The following HS2ST1 variants were observed in gnomAD, a reference collection of about 807,000 sequenced individuals.
The protein encoded by HS2ST1 is 2-O-sulfotransferase.
A neutral mutation model predicts 42.9 loss-of-function variants in HS2ST1; 18 were observed. The observed-to-expected ratio is 0.42, with a 90% CI of 0.29 to 0.62. The LOEUF (loss-of-function observed/expected upper bound fraction) is 0.62. Ranked by LOEUF, HS2ST1 falls within the 20% of genes least tolerant of loss-of-function variation. The pLI is 0.21. For synonymous variants in HS2ST1, 146 were observed against 152.9 expected (o/e 0.95, Z 0.33); for missense variants, 334 against 433.8 (o/e 0.77, Z 2.04).
In HS2ST1 at chr1:87,065,389, C is replaced by T. The variant is rs375499999; in HGVS notation, c.125-7545C>T. 4.4e-4 allele frequency among the ~76,000 whole-genome samples: 67 copies of T among 152,328 alleles called. 1 individual carries two copies. The South Asian group carries it at 0.013, about 30-fold the overall frequency. ...AAATTGATATGCCAAGGCTCCTCCACCCATAGACAATTCTTGGGTAGACCC... is the reference window on the plus strand; with the variant it reads ...AAATTGATATGCCAAGGCTCCTCCATCCATAGACAATTCTTGGGTAGACCC... On this transcript the variant is annotated intron_variant, in intron 1 of 6. Transcript: ENST00000370550.
chr1:87,035,225 G>C (rs540727809), intron 1 of HS2ST1, among the ~76,000 whole-genome samples: 1 of 152,214 alleles, frequency 6.6e-6, no homozygotes, highest in African/African-American at 2.4e-5. Context: ...TAATAAATTT[G>C]TTTTCCTATC....
At chr1:86,970,018 G>C (rs1196909002) in intron 1 of HS2ST1, among the ~76,000 whole-genome samples, 1 of 151,832 alleles carries the variant, frequency 6.6e-6, no homozygotes, top group East Asian at 1.9e-4. Flanking sequence ...CCAGCTACTC[G>C]GGGGGCTGAG....
At chr1:86,932,405 T>C (rs1424250198) in intron 1 of HS2ST1, 1 of 152,140 alleles carries the variant, frequency 6.6e-6, no homozygotes, top group Non-Finnish European at 1.5e-5. Context: ...ATATACCATG[T>C]ACCATTTCAT....
At chr1:87,080,908 C>G (rs1453539811) in intron 2 of HS2ST1, among the ~76,000 whole-genome samples, 1 of 152,216 alleles carries the variant, frequency 6.6e-6, no homozygotes, top group African/African-American at 2.4e-5. Flanking sequence ...AATCTTCCAT[C>G]TCAGCAGTTG....
intron 1 of HS2ST1, among the ~76,000 whole-genome samples, chr1:86,998,060 T>C (rs1649157864): frequency 6.6e-6 from 1 of 152,210 alleles, no homozygotes; most frequent in South Asian, 2.1e-4. Context: ...TCACTTGCTG[T>C]ACCAGATTGC....
intron 1 of HS2ST1, among the ~76,000 whole-genome samples, chr1:87,055,975 G>A (rs1650958610): frequency 6.6e-6 from 1 of 152,216 alleles, no homozygotes; most frequent in African/African-American, 2.4e-5. Context: ...TTGTCTTGAG[G>A]TAAAGCACTT....
At chr1:87,101,061 C>CACAGCCAG (rs1652184777) in intron 5 of HS2ST1, among the ~76,000 whole-genome samples, 1 of 150,870 alleles carries the variant, frequency 6.6e-6, no homozygotes, top group South Asian at 2.1e-4. Flanking sequence ...GCCTCTTAGA[C>CACAGCCAG]ACAGCCAGGC....
chr1:86,972,295 AGG>A (rs1648256035), intron 1 of HS2ST1, among the ~76,000 whole-genome samples: 1 of 152,170 alleles, frequency 6.6e-6, no homozygotes. Context: ...ATATTTTGAG[AGG>A]GAGAGAGAGA....
intron 1 of HS2ST1, among the ~76,000 whole-genome samples, chr1:86,987,893 T>C (rs960432897): frequency 6.6e-5 from 10 of 152,294 alleles, no homozygotes; most frequent in African/African-American, 1.7e-4. Context: ...TGTAAGAAAT[T>C]GGGGCTGTTT....
At chr1:86,935,783 A>G (rs1023458926) in intron 1 of HS2ST1, among the ~76,000 whole-genome samples, 4 of 151,906 alleles carry the variant, frequency 2.6e-5, no homozygotes, top group African/African-American at 9.7e-5. Flanking sequence ...TCTTTGTCTC[A>G]TTTACAGAAG....
intron 1 of HS2ST1, among the ~76,000 whole-genome samples, chr1:87,070,210 T>C (rs771598237): frequency 6.6e-6 from 1 of 152,148 alleles, no homozygotes; most frequent in African/African-American, 2.4e-5. Context: ...TTTCCCTTAG[T>C]AGAAAAGGGG....
At chr1:86,984,086 C>G (rs972278045) in intron 1 of HS2ST1, among the ~76,000 whole-genome samples, 2 of 152,018 alleles carry the variant, frequency 1.3e-5, no homozygotes, top group Non-Finnish European at 2.9e-5. Flanking sequence ...TATTAGATGC[C>G]TGATATTTAT....
At chr1:86,977,652 G>A (rs1367718862) in intron 1 of HS2ST1, among the ~76,000 whole-genome samples, 1 of 152,116 alleles carries the variant, frequency 6.6e-6, no homozygotes, top group African/African-American at 2.4e-5. Flanking sequence ...TTTTCAAATA[G>A]GAAAGGACTT....
intron 1 of HS2ST1, among the ~76,000 whole-genome samples, chr1:87,058,869 C>G (rs1651045280): frequency 6.6e-6 from 1 of 151,516 alleles, no homozygotes; most frequent in South Asian, 2.1e-4. Flanking sequence ...ACCATCCTGG[C>G]TAACATGGTG....
rs146506840 is a variant in HS2ST1, at chr1:87,089,324, T to C, written c.450-3207T>C. On this transcript the variant is annotated intron_variant, in intron 3 of 6. Transcript: ENST00000370550. ...CCAACCTGCTGCTCAGATTATATCT[T>C]TTCGTTTCTGATTTTCATCTGCAGA... is the stretch of plus-strand genomic sequence containing the variant. Among the ~76,000 whole-genome samples, 429 of 152,186 alleles carry C rather than the reference T, an allele frequency of 2.8e-3. 1 individual carries two copies. Among genetic ancestry groups the C allele is most frequent in the African/African-American group, 9.8e-3 (408 of 41,546 alleles).
At chr1:87,079,456 G>T (rs1023129078) in intron 2 of HS2ST1, among the ~76,000 whole-genome samples, 1 of 152,130 alleles carries the variant, frequency 6.6e-6, no homozygotes, top group Admixed American at 6.5e-5. Context: ...CAAATGCTCA[G>T]ACTGTTTTCT....
chr1:87,031,606 T>A (rs1159011067), intron 1 of HS2ST1, among the ~76,000 whole-genome samples: 1 of 152,210 alleles, frequency 6.6e-6, no homozygotes, highest in Non-Finnish European at 1.5e-5. Context: ...GACTATTGAT[T>A]AAGGAAATAG....
At chr1:87,081,801 C>T (rs1651697765) in intron 2 of HS2ST1, among the ~76,000 whole-genome samples, 1 of 151,892 alleles carries the variant, frequency 6.6e-6, no homozygotes, top group South Asian at 2.1e-4. Flanking sequence ...TCCTGGCCAA[C>T]ATGGTGAAAC....
intron 1 of HS2ST1, among the ~76,000 whole-genome samples, chr1:87,060,306 A>G (rs1318929702): frequency 6.6e-6 from 1 of 152,204 alleles, no homozygotes; most frequent in East Asian, 1.9e-4. Flanking sequence ...AAAATAAAAT[A>G]TATCAAATAA....
Sources: allele counts gnomAD v4.1 joint callset (sites outside exome capture counted in the v4.1 genomes callset), GRCh38; gene constraint gnomAD v4.1.1; transcripts MANE v1.5; gene names NCBI Gene and HGNC (gene_info 2026-07-23, HGNC 2026-07-21).